Variants in PAN3 observed in about 807,000 individuals in gnomAD.
PAN3 encodes the protein poly(A) specific ribonuclease subunit PAN3, also known as PAN2-PAN3 deadenylation complex subunit PAN3.
PAN3 carries 19 observed loss-of-function variants against 96.2 expected under a neutral mutation model. That is an observed-to-expected ratio of 0.20 (90% CI 0.14 to 0.29). The LOEUF (loss-of-function observed/expected upper bound fraction) is 0.29, where lower values mean the gene tolerates loss of function less well. Among genes scored for constraint, PAN3 ranks in the 10% least tolerant of loss-of-function variants. PAN3 has a pLI of 1.00. For missense variants in PAN3, 882 were observed against 1,108.1 expected (o/e 0.80, Z 2.90); for synonymous variants, 433 against 406.6 (o/e 1.06, Z -0.78).
At chr13:28,190,064 C>A (rs1217094232) in intron 4 of PAN3, among the ~76,000 whole-genome samples, 1 of 152,168 alleles carries the variant, frequency 6.6e-6, no homozygotes, top group Non-Finnish European at 1.5e-5. Context: ...CTGCCTCAGC[C>A]TCCAGAGTAG....
chr13:28,268,196 T>C (rs1351835031), intron 12 of PAN3, among the ~76,000 whole-genome samples: 2 of 152,174 alleles, frequency 1.3e-5, no homozygotes, highest in East Asian at 1.9e-4. Flanking sequence ...TTGCTTTGTT[T>C]TGTTTTTGTC....
chr13:28,250,757 G>C (rs1373169575), intron 6 of PAN3, among the ~76,000 whole-genome samples: 2 of 152,174 alleles, frequency 1.3e-5, no homozygotes, highest in Admixed American at 6.5e-5. Context: ...GCCTGCGTCA[G>C]CCTCCCAAAA....
At chr13:28,280,093 A>G (rs780381537) in intron 15 of PAN3, among the ~76,000 whole-genome samples, 1 of 152,014 alleles carries the variant, frequency 6.6e-6, no homozygotes, top group Non-Finnish European at 1.5e-5. Flanking sequence ...GCCTGTAACA[A>G]TCTTTTCATC....
At chr13:28,164,645 A>T (rs1873307920) in intron 1 of PAN3, among the ~76,000 whole-genome samples, 1 of 152,228 alleles carries the variant, frequency 6.6e-6, no homozygotes, top group Non-Finnish European at 1.5e-5. Flanking sequence ...GTATACACAC[A>T]TCCTGGGAAG....
At chr13:28,139,514 T>TG (rs1869353072) in intron 1 of PAN3, among the ~76,000 whole-genome samples, 2 of 93,134 alleles carry the variant, frequency 2.1e-5, no homozygotes, top group Admixed American at 1.1e-4. Flanking sequence ...AGGGGTGTGT[T>TG]TGTGTGTGTG....
chr13:28,267,268 T>A lies in PAN3; in HGVS notation c.1691-32T>A, dbSNP rs370122059. The A allele has an allele frequency of 2.3e-4, 364 of 1,612,308 alleles. 6 individuals carry two copies. In the South Asian group the frequency reaches 3.8e-3, roughly 17 times the overall value. ...TGAGCTTCATTATTTGAAGCCAGCTTTCAGTAATGAGTGTTTGTGTTTTAT... is the reference window on the plus strand; with the variant it reads ...TGAGCTTCATTATTTGAAGCCAGCTATCAGTAATGAGTGTTTGTGTTTTAT... On this transcript the variant is annotated intron_variant, in intron 11 of 18. Coordinates refer to ENST00000380958, the MANE Select transcript of PAN3 (RefSeq NM_175854.8).
intron 4 of PAN3, among the ~76,000 whole-genome samples, chr13:28,192,874 A>G (rs906395449): frequency 5.9e-5 from 9 of 152,176 alleles, no homozygotes; most frequent in African/African-American, 1.9e-4. Flanking sequence ...AAACTTTTCT[A>G]TGTAATCTTT....
At chr13:28,170,101 T>C (rs1252322064) in intron 1 of PAN3, among the ~76,000 whole-genome samples, 1 of 152,192 alleles carries the variant, frequency 6.6e-6, no homozygotes, top group Non-Finnish European at 1.5e-5. Flanking sequence ...GATTACTGGC[T>C]ATATCAGCAC....
Position 28,138,666 on chromosome 13 carries a change from T to TGGC in PAN3, c.16_18dup (p.Gly6dup). The TGGC allele has an allele frequency of 1.4e-6, 1 of 707,862 alleles. No homozygotes were observed. Among genetic ancestry groups the TGGC allele is most frequent in the Non-Finnish European group, 2.1e-6 (1 of 485,408 alleles). 43.8% of individuals were successfully genotyped at this position (707,862 alleles called of 1,614,324 possible). On this transcript the variant is annotated inframe_insertion, in exon 1 of 19. Transcript: ENST00000380958. ...GAGGCTGCGGCGTTGCCATGAACAG[T>TGGC]GGCGGCGGCCTCCCGCCCCCCTCGG...
At chr13:28,151,849 A>G (rs1305263993) in intron 1 of PAN3, among the ~76,000 whole-genome samples, 3 of 152,262 alleles carry the variant, frequency 2.0e-5, no homozygotes, top group Middle Eastern at 6.8e-3. Flanking sequence ...TTTGAGAGAT[A>G]TATTAGCCAT....
chr13:28,238,012 A>T (rs1883262648), intron 6 of PAN3, among the ~76,000 whole-genome samples: 1 of 152,208 alleles, frequency 6.6e-6, no homozygotes, highest in Non-Finnish European at 1.5e-5. Context: ...GTGTGTTTTT[A>T]TTTATTTAAT....
chr13:28,155,803 A>T (rs1399889028), intron 1 of PAN3, among the ~76,000 whole-genome samples: 1 of 152,158 alleles, frequency 6.6e-6, no homozygotes, highest in Non-Finnish European at 1.5e-5. Context: ...TATTTTTCGA[A>T]AGATGTATGA....
At chr13:28,276,589 G>A (rs1186177915) in intron 14 of PAN3, among the ~76,000 whole-genome samples, 1 of 152,174 alleles carries the variant, frequency 6.6e-6, no homozygotes, top group Non-Finnish European at 1.5e-5. Flanking sequence ...TGGTTCCAGA[G>A]CTCAAAGATC....
At chr13:28,252,126 G>T (rs1041394498) in intron 6 of PAN3, among the ~76,000 whole-genome samples, 5 of 151,300 alleles carry the variant, frequency 3.3e-5, no homozygotes, top group African/African-American at 1.2e-4. Context: ...GACCTCAGGT[G>T]GCCTGCCTGC....
At chr13:28,224,902 T>G (rs1298375044) in intron 6 of PAN3, among the ~76,000 whole-genome samples, 2 of 152,178 alleles carry the variant, frequency 1.3e-5, no homozygotes, top group African/African-American at 4.8e-5. Context: ...ATTATAGGGG[T>G]GAGCCACCTC....
In PAN3 at chr13:28,146,131, CAAAAT is replaced by C. The variant is rs527409841; in HGVS notation, c.430+7048_430+7052del. 8.8e-4 allele frequency among the ~76,000 whole-genome samples: 134 copies of C among 151,748 alleles called. 1 individual carries two copies. The highest frequency in any genetic ancestry group is 2.9e-3 in the African/African-American group (121 of 41,378). ...ACATTGGAATAGAAGTGTATAAAGTCAAAATAAATCAGTCTCCTCATCTTATTGTC... is the reference window on the plus strand; with the variant it reads ...ACATTGGAATAGAAGTGTATAAAGTCAAATCAGTCTCCTCATCTTATTGTC... On this transcript the variant is annotated intron_variant, in intron 1 of 18. Coordinates refer to ENST00000380958, the MANE Select transcript of PAN3 (RefSeq NM_175854.8).
chr13:28,195,071 T>G (rs778345671), intron 4 of PAN3, among the ~76,000 whole-genome samples: 3 of 152,054 alleles, frequency 2.0e-5, no homozygotes, highest in African/African-American at 4.8e-5. Context: ...AGTAACTAGA[T>G]TGGTTCAAGA....
At chr13:28,169,362 T>C (rs544984420) in intron 1 of PAN3, among the ~76,000 whole-genome samples, 55 of 151,050 alleles carry the variant, frequency 3.6e-4, no homozygotes, top group Non-Finnish European at 6.9e-4. Context: ...CCCAAGTAGC[T>C]GGTCTTACAG....
At chr13:28,227,500 A>G (rs1000230988) in intron 6 of PAN3, among the ~76,000 whole-genome samples, 1 of 152,176 alleles carries the variant, frequency 6.6e-6, no homozygotes, top group Non-Finnish European at 1.5e-5. Context: ...CTTTCAGTGT[A>G]TTATGACTCG....
Sources: gnomAD v4.1 joint callset for allele counts (sites outside exome capture counted in the v4.1 genomes callset) on GRCh38, gnomAD v4.1.1 for gene constraint, MANE v1.5 for transcripts, NCBI Gene and HGNC (gene_info 2026-07-23, HGNC 2026-07-21) for gene names.